HTR2A: variants seen among roughly 807,000 people sequenced by gnomAD.
The protein encoded by HTR2A is 5-hydroxytryptamine receptor 2A.
In HTR2A, 14 loss-of-function variants were observed where a neutral mutation model predicts 31.0. The observed-to-expected ratio is 0.45, with a 90% CI of 0.30 to 0.71. The LOEUF (loss-of-function observed/expected upper bound fraction) is 0.71, where lower values mean the gene tolerates loss of function less well. HTR2A is among the 30% of genes least tolerant of loss of function. The pLI, the probability that HTR2A is intolerant of heterozygous loss-of-function variation, is 0.09. For synonymous variants in HTR2A, 209 were observed against 225.2 expected (o/e 0.93, Z 0.64); for missense variants, 442 against 573.3 (o/e 0.77, Z 2.34).
intron 3 of HTR2A, among the ~76,000 whole-genome samples, chr13:46,861,393 C>T (rs1950777474): frequency 6.6e-6 from 1 of 152,142 alleles, no homozygotes; most frequent in South Asian, 2.1e-4. Context: ...TTATTAATTT[C>T]CATTACCTTC....
At chr13:46,857,181 T>A (rs1038089474) in intron 3 of HTR2A, among the ~76,000 whole-genome samples, 1 of 151,672 alleles carries the variant, frequency 6.6e-6, no homozygotes, top group Non-Finnish European at 1.5e-5. Flanking sequence ...TCCCCTGCAG[T>A]CCCAGCTACT....
rs530686037 is a variant in HTR2A at position 46,880,153 on chromosome 13, A to G, written c.613+12237T>C. Among the ~76,000 whole-genome samples, 22 of 152,318 alleles carry G rather than the reference A, an allele frequency of 1.4e-4. 1 individual carries two copies. The South Asian group carries it at 4.2e-3, about 29-fold the overall frequency. ...AGGTCTGAGTTACTTGAGTGTAGCAACTGTAAAGGCTGGTTTGTCAGAGCC... is the reference window on the plus strand; with the variant it reads ...AGGTCTGAGTTACTTGAGTGTAGCAGCTGTAAAGGCTGGTTTGTCAGAGCC... On this transcript the variant is annotated intron_variant, in intron 3 of 3. Coordinates refer to ENST00000542664, the MANE Select transcript of HTR2A (RefSeq NM_000621.5).
chr13:46,879,830 G>C (rs970362449), intron 3 of HTR2A, among the ~76,000 whole-genome samples: 1 of 152,048 alleles, frequency 6.6e-6, no homozygotes. Context: ...CACATTGAAA[G>C]CCCATCTTTA....
chr13:46,857,178 C>T (rs1432304102), intron 3 of HTR2A, among the ~76,000 whole-genome samples: 2 of 151,790 alleles, frequency 1.3e-5, no homozygotes, highest in African/African-American at 2.4e-5. Flanking sequence ...TGCTCCCCTG[C>T]AGTCCCAGCT....
Position 46,832,060 on chromosome 13 carries a change from C to T in HTR2A, c.*2777G>A, listed in dbSNP as rs1226894711. 1 of 152,128 alleles carries T rather than the reference C, an allele frequency of 6.6e-6. No homozygotes were observed. Among genetic ancestry groups the T allele is most frequent in the East Asian group, 1.9e-4 (1 of 5,188 alleles). The allele number at this position is 152,128 out of a possible 1,614,324, so 9.4% of individuals were successfully genotyped here. A position where few individuals can be genotyped will look rare whatever the true frequency, so the allele number is the denominator to read the frequency against. ...AGACTAAACAAAGGGCCCAAAGGTA[C>T]CATTTTATTTAGGATCAAGAAACTA... On this transcript the variant is annotated 3_prime_UTR_variant, in exon 4 of 4. Transcript: ENST00000542664.
chr13:46,862,884 G>A, intron 3 of HTR2A, among the ~76,000 whole-genome samples: 1 of 152,180 alleles, frequency 6.6e-6, no homozygotes, highest in Non-Finnish European at 1.5e-5. Flanking sequence ...AGACTCTTCA[G>A]GCACTTGACA....
At chr13:46,868,954 T>C (rs1466650835) in intron 3 of HTR2A, among the ~76,000 whole-genome samples, 2 of 152,188 alleles carry the variant, frequency 1.3e-5, no homozygotes, top group Non-Finnish European at 2.9e-5. Flanking sequence ...AAACAGTGAC[T>C]GGACTTATGG....
At chr13:46,853,921 A>G (rs982609770) in intron 3 of HTR2A, 7 of 152,134 alleles carry the variant, frequency 4.6e-5, no homozygotes, top group African/African-American at 1.7e-4. Context: ...TGATTCACCA[A>G]TCTTTTCCTT....
chr13:46,898,042 G>A (rs1951117091), upstream of HTR2A, among the ~76,000 whole-genome samples: 1 of 152,014 alleles, frequency 6.6e-6, no homozygotes, highest in Admixed American at 6.6e-5. Context: ...ATCCCACTTC[G>A]TCTCCGGTGC....
intron 3 of HTR2A, among the ~76,000 whole-genome samples, chr13:46,882,841 C>T (rs1376800795): frequency 6.6e-6 from 1 of 152,202 alleles, no homozygotes; most frequent in Non-Finnish European, 1.5e-5. Context: ...ATTTTCTTTT[C>T]TCACATGGCT....
At chr13:46,866,276 A>G (rs1162425305) in intron 3 of HTR2A, among the ~76,000 whole-genome samples, 2 of 152,076 alleles carry the variant, frequency 1.3e-5, no homozygotes, top group Non-Finnish European at 2.9e-5. Context: ...GCTTCCTGAT[A>G]GGCTTACCGA....
At position 46,876,502 on chromosome 13, in the gene HTR2A, C is replaced by T. The variant is rs189448195; in HGVS notation, c.613+15888G>A. ...TCAGCTCACTGCAAGCTCCGCCTCCCGGGTTCACGCCATTCTTCTGCCTCA... is the reference window on the plus strand; with the variant it reads ...TCAGCTCACTGCAAGCTCCGCCTCCTGGGTTCACGCCATTCTTCTGCCTCA... On this transcript the variant is annotated intron_variant, in intron 3 of 3. Transcript: ENST00000542664. Among the ~76,000 whole-genome samples the T allele has an allele frequency of 8.0e-3, 1,184 of 148,834 alleles. 18 individuals are homozygous for T. Among genetic ancestry groups the T allele is most frequent in the African/African-American group, 0.026 (1,068 of 40,552 alleles).
chr13:46,871,873 G>T (rs778608128), intron 3 of HTR2A, among the ~76,000 whole-genome samples: 3 of 152,208 alleles, frequency 2.0e-5, no homozygotes, highest in Non-Finnish European at 4.4e-5. Context: ...TGGAATTATA[G>T]AGCTGGAAAG....
Position 46,896,149 on chromosome 13 carries a change from T to C in HTR2A, c.-243A>G. On this transcript the variant is annotated 5_prime_UTR_variant, in exon 2 of 4. It removes the in-frame stop codon of an upstream open reading frame in the 5' UTR. Coordinates refer to ENST00000542664, the MANE Select transcript of HTR2A (RefSeq NM_000621.5). ...TCCACTGTTTGGTTTTATTATTTTC[T>C]CACCAAACCGAGGACAAAAAAGCAG... The C allele has an allele frequency of 8.1e-7, 1 of 1,238,416 alleles. No homozygotes were observed. The highest frequency in any genetic ancestry group is 1.0e-6 in the Non-Finnish European group (1 of 992,254). 76.7% of individuals were successfully genotyped at this position (1,238,416 alleles called of 1,614,324 possible).
At chr13:46,847,926 C>G (rs905348967) in intron 3 of HTR2A, among the ~76,000 whole-genome samples, 5 of 152,138 alleles carry the variant, frequency 3.3e-5, no homozygotes, top group Non-Finnish European at 7.4e-5. Context: ...AGCTAAACTT[C>G]TGTATCTCCC....
chr13:46,894,822 T>C (rs1299477453), intron 2 of HTR2A, among the ~76,000 whole-genome samples: 2 of 152,158 alleles, frequency 1.3e-5, no homozygotes, highest in African/African-American at 4.8e-5. Flanking sequence ...CCCACCCTCC[T>C]CCAAACCAGA....
chr13:46,851,933 A>C (rs1010722886), intron 3 of HTR2A, among the ~76,000 whole-genome samples: 10 of 152,230 alleles, frequency 6.6e-5, no homozygotes, highest in African/African-American at 2.4e-4. Context: ...AAATAATTAG[A>C]GTGCCCTGGA....
chr13:46,851,550 A>T (rs1467861950), intron 3 of HTR2A, among the ~76,000 whole-genome samples: 1 of 152,224 alleles, frequency 6.6e-6, no homozygotes, highest in Non-Finnish European at 1.5e-5. Flanking sequence ...TATAATGGAA[A>T]CAGGGATTTC....
Position 46,832,520 on chromosome 13 carries a change from G to C in HTR2A, c.*2317C>G, listed in dbSNP as rs1165226297. 2 of 152,110 alleles carry C rather than the reference G, an allele frequency of 1.3e-5. No individual in the cohort carries two copies. The highest frequency in any genetic ancestry group is 3.8e-4 in the East Asian group (2 of 5,200). The allele number at this position is 152,110 out of a possible 1,614,324, so 9.4% of individuals were successfully genotyped here. A position where few individuals can be genotyped will look rare whatever the true frequency, so the allele number is the denominator to read the frequency against. ...ATTCTGATCAAGATTGAGTATATGG[G>C]GGTAGAATCTGTAATCTTTTCCCTA... On this transcript the variant is annotated 3_prime_UTR_variant, in exon 4 of 4. Coordinates refer to ENST00000542664, the MANE Select transcript of HTR2A (RefSeq NM_000621.5).
Sources: gnomAD v4.1 joint callset for allele counts (sites outside exome capture counted in the v4.1 genomes callset) on GRCh38, gnomAD v4.1.1 for gene constraint, MANE v1.5 for transcripts, NCBI Gene and HGNC (gene_info 2026-07-23, HGNC 2026-07-21) for gene names.